ZFHX3: variants seen among roughly 807,000 people sequenced by gnomAD.
ZFHX3 encodes the protein zinc finger homeobox 3, also known as zinc finger homeobox protein 3.
Under a neutral mutation model 279.1 loss-of-function variants are expected in ZFHX3, and 42 were observed. That is an observed-to-expected ratio of 0.15 (90% confidence interval 0.12 to 0.19). ZFHX3 has a LOEUF of 0.19. Ranked by LOEUF, ZFHX3 falls within the 10% of genes least tolerant of loss-of-function variation. ZFHX3 has a pLI of 1.00. For missense variants in ZFHX3, 4,981 were observed against 4,754.0 expected, an observed-to-expected ratio of 1.05 and a Z score of -1.40; for synonymous variants, 2,293 against 1,957.8, an observed-to-expected ratio of 1.17 and a Z score of -4.52.
Position 72,963,583 on chromosome 16 carries a change from A to G in ZFHX3, c.-49-3389T>C, listed in dbSNP as rs1961691090. On this transcript the variant is annotated intron_variant, in intron 1 of 9. Transcript: ENST00000268489. Reference sequence around the variant, plus strand: ...TCCAAGCTCCCTTGGAACCACCTGTAAAGCCCACTGCATCTTTGCAAATGT... The same window carrying G: ...TCCAAGCTCCCTTGGAACCACCTGTGAAGCCCACTGCATCTTTGCAAATGT... Among the ~76,000 whole-genome samples, 2 of 152,328 alleles carry G rather than the reference A, an allele frequency of 1.3e-5. 1 individual carries two copies. The highest frequency in any genetic ancestry group is 6.8e-3 in the Middle Eastern group (2 of 294).
chr16:72,987,772 T>C (rs1962909519), intron 1 of ZFHX3, among the ~76,000 whole-genome samples: 1 of 152,188 alleles, frequency 6.6e-6, no homozygotes, highest in Non-Finnish European at 1.5e-5. Context: ...CCTGGCTACC[T>C]GCTCTTAGAG....
intron 3 of ZFHX3, among the ~76,000 whole-genome samples, chr16:72,921,819 C>T (rs1246197787): frequency 6.6e-6 from 1 of 152,210 alleles, no homozygotes; most frequent in Non-Finnish European, 1.5e-5. Context: ...GGAGACAGGC[C>T]TTGGCCGGTT....
chr16:73,060,494 G>A (rs1965668466), upstream of ZFHX3: 1 of 151,714 alleles, frequency 6.6e-6, no homozygotes. Context: ...AAGAGTCAGT[G>A]TCTGTCTGTC....
intron 1 of ZFHX3, among the ~76,000 whole-genome samples, chr16:73,857,492 C>G (rs548458901): frequency 6.6e-6 from 1 of 152,104 alleles, no homozygotes; most frequent in Admixed American, 6.5e-5. Context: ...CCCCTTTGTT[C>G]TTAGACCTCC....
intron 3 of ZFHX3, among the ~76,000 whole-genome samples, chr16:73,352,467 TC>T (rs2016262392): frequency 7.7e-6 from 1 of 130,296 alleles, no homozygotes; most frequent in Non-Finnish European, 1.6e-5. Flanking sequence ...TCTCTCTCTC[TC>T]TCTCTCTTTT....
chr16:73,116,780 G>A (rs1175822518), intron 7 of ZFHX3, among the ~76,000 whole-genome samples: 1 of 152,164 alleles, frequency 6.6e-6, no homozygotes, highest in Non-Finnish European at 1.5e-5. Context: ...CCTGGGTACT[G>A]CAGGGCTGGA....
intron 7 of ZFHX3, among the ~76,000 whole-genome samples, chr16:73,096,402 CTTCT>C (rs1201397363): frequency 1.3e-5 from 2 of 150,286 alleles, no homozygotes; most frequent in Non-Finnish European, 2.9e-5. Flanking sequence ...TGAAGCCGAA[CTTCT>C]TTATTTTTTT....
At chr16:73,229,324 C>T (rs1206716042) in intron 5 of ZFHX3, among the ~76,000 whole-genome samples, 1 of 152,146 alleles carries the variant, frequency 6.6e-6, no homozygotes, top group Non-Finnish European at 1.5e-5. Context: ...GACTTGAGGT[C>T]ACTCTGAGAA....
intron 1 of ZFHX3, among the ~76,000 whole-genome samples, chr16:73,031,757 T>C (rs4788692): frequency 0.21 from 31,619 of 152,016 alleles, 4,763 homozygotes; most frequent in East Asian, 0.45. Flanking sequence ...TCTGCTCCTT[T>C]CTCTGCAGGT....
At chr16:73,675,761 A>G (rs2052948091) in intron 2 of ZFHX3, among the ~76,000 whole-genome samples, 1 of 152,124 alleles carries the variant, frequency 6.6e-6, no homozygotes, top group Admixed American at 6.6e-5. Context: ...ATTCTGAGTT[A>G]CACAAAAATA....
chr16:73,839,640 T>C (rs765444384), intron 1 of ZFHX3, among the ~76,000 whole-genome samples: 1 of 152,214 alleles, frequency 6.6e-6, no homozygotes, highest in Admixed American at 6.5e-5. Flanking sequence ...GAGTCCATCA[T>C]GATAAATTTA....
At chr16:73,189,017 C>T (rs903841763) in intron 5 of ZFHX3, among the ~76,000 whole-genome samples, 1 of 152,138 alleles carries the variant, frequency 6.6e-6, no homozygotes, top group South Asian at 2.1e-4. Flanking sequence ...GCGCAAGCTA[C>T]CACGCCTGGC....
intron 5 of ZFHX3, among the ~76,000 whole-genome samples, chr16:73,166,953 C>A (rs1415330243): frequency 6.6e-6 from 1 of 152,166 alleles, no homozygotes; most frequent in African/African-American, 2.4e-5. Flanking sequence ...CGACACAACA[C>A]AACACACAGC....
chr16:72,994,143 G>A (rs1002567291), intron 1 of ZFHX3, among the ~76,000 whole-genome samples: 3 of 152,104 alleles, frequency 2.0e-5, no homozygotes, highest in Non-Finnish European at 2.9e-5. Context: ...CTGTGGTTTT[G>A]TTCTCTCTTA....
At chr16:73,234,135 G>T (rs2012868962) in intron 5 of ZFHX3, among the ~76,000 whole-genome samples, 1 of 152,166 alleles carries the variant, frequency 6.6e-6, no homozygotes, top group African/African-American at 2.4e-5. Context: ...GAGGGAAAGG[G>T]AGCGAAGTCA....
In ZFHX3 at chr16:73,449,837, A is replaced by AT. The variant is rs943374740; in HGVS notation, c.-1291+6165dup. On this transcript the variant is annotated intron_variant, in intron 3 of 17. Coordinates refer to the ZFHX3 transcript ENST00000641206. ...ATCGATCTAGAAAAAGGTTTTCTCCATTTTTTTTCTCTTAATCATAGATTG... is the reference window on the plus strand; with the variant it reads ...ATCGATCTAGAAAAAGGTTTTCTCCATTTTTTTTTCTCTTAATCATAGATTG... Among the ~76,000 whole-genome samples the AT allele has an allele frequency of 3.3e-5, 5 of 151,956 alleles. No homozygotes were observed. The East Asian group carries it at 7.7e-4, about 23-fold the overall frequency.
chr16:73,326,192 T>C (rs2015685296), intron 3 of ZFHX3, among the ~76,000 whole-genome samples: 1 of 152,178 alleles, frequency 6.6e-6, no homozygotes, highest in Admixed American at 6.5e-5. Flanking sequence ...CTACTTTGTA[T>C]TTCCTAACAC....
chr16:73,321,545 C>G (rs1049891605), intron 3 of ZFHX3, among the ~76,000 whole-genome samples: 1 of 152,186 alleles, frequency 6.6e-6, no homozygotes, highest in South Asian at 2.1e-4. Context: ...TAGCAACAGA[C>G]AAAAACGTGA....
intron 2 of ZFHX3, among the ~76,000 whole-genome samples, chr16:73,596,733 T>C (rs1180664082): frequency 1.3e-5 from 2 of 152,230 alleles, no homozygotes; most frequent in African/African-American, 4.8e-5. Flanking sequence ...TTCCGTGATC[T>C]ATTACTCTAT....
Sources: gnomAD v4.1 joint callset for allele counts (sites outside exome capture counted in the v4.1 genomes callset) on GRCh38, gnomAD v4.1.1 for gene constraint, MANE v1.5 for transcripts, NCBI Gene and HGNC (gene_info 2026-07-23, HGNC 2026-07-21) for gene names.